Variants in PLXNA4 observed in about 807,000 individuals in gnomAD.
PLXNA4 encodes plexin A4, also known as plexin-A4.
PLXNA4 carries 44 observed loss-of-function variants against 191.8 expected under a neutral mutation model. The observed-to-expected ratio is 0.23, with a 90% CI of 0.18 to 0.29. The LOEUF (loss-of-function observed/expected upper bound fraction) is 0.29. Among genes scored for constraint, PLXNA4 ranks in the 10% least tolerant of loss-of-function variants. PLXNA4 has a pLI of 1.00. For synonymous variants in PLXNA4, 1,082 were observed against 1,009.5 expected, an observed-to-expected ratio of 1.07 and a Z score of -1.36; for missense variants, 1,800 against 2,488.8, an observed-to-expected ratio of 0.72 and a Z score of 5.89.
intron 4 of PLXNA4, among the ~76,000 whole-genome samples, chr7:132,293,696 AC>A (rs909580856): frequency 9.8e-5 from 15 of 152,326 alleles, no homozygotes; most frequent in African/African-American, 3.4e-4. Flanking sequence ...ATTTTCTACC[AC>A]CAGTTTTTTT....
At chr7:132,297,509 C>T (rs1053205608) in intron 4 of PLXNA4, among the ~76,000 whole-genome samples, 9 of 152,144 alleles carry the variant, frequency 5.9e-5, no homozygotes, top group African/African-American at 1.9e-4. Flanking sequence ...TCCTACTCAG[C>T]ATCAGCAAAC....
intron 3 of PLXNA4, among the ~76,000 whole-genome samples, chr7:132,397,073 G>A (rs187160948): frequency 6.4e-4 from 97 of 152,326 alleles, no homozygotes; most frequent in African/African-American, 2.1e-3. Context: ...TCTCTGCAGG[G>A]ATACCCAGCC....
At chr7:132,578,843 C>T (rs1023503129), upstream of PLXNA4, among the ~76,000 whole-genome samples, 1 of 152,170 alleles carries the variant, frequency 6.6e-6, no homozygotes, top group African/African-American at 2.4e-5. Flanking sequence ...TACATGAATA[C>T]ATTGATCTGA....
At chr7:132,491,978 G>T (rs1222750530) in intron 2 of PLXNA4, among the ~76,000 whole-genome samples, 2 of 152,180 alleles carry the variant, frequency 1.3e-5, no homozygotes, top group African/African-American at 4.8e-5. Flanking sequence ...GGGCAGCCTG[G>T]GGTGCTAGGG....
chr7:132,596,865 GA>G (rs3067229), intron 2 of PLXNA4, among the ~76,000 whole-genome samples: 2 of 144,678 alleles, frequency 1.4e-5, no homozygotes, highest in African/African-American at 5.1e-5. Context: ...CCATGGTCCT[GA>G]AAAAAAAAAA....
intron 22 of PLXNA4, 38 bp downstream of exon 22, chr7:132,168,266 G>A (rs1252787382): frequency 1.3e-6 from 2 of 1,489,774 alleles, no homozygotes; most frequent in Non-Finnish European, 9.0e-7. Context: ...CAGGTGCATG[G>A]CTAGGCTGGA....
chr7:132,632,695 A>T (rs1260353356), intron 2 of PLXNA4, among the ~76,000 whole-genome samples: 1 of 152,186 alleles, frequency 6.6e-6, no homozygotes, highest in Non-Finnish European at 1.5e-5. Context: ...AATAAATCCC[A>T]TTATCACTAT....
chr7:132,174,585 T>C (rs1296993403), intron 21 of PLXNA4, among the ~76,000 whole-genome samples, 193 bp downstream of exon 21: 2 of 152,208 alleles, frequency 1.3e-5, no homozygotes, highest in African/African-American at 4.8e-5. Flanking sequence ...TACTCACATC[T>C]CTGCTCCAAG....
intron 3 of PLXNA4, among the ~76,000 whole-genome samples, chr7:132,324,659 G>A (rs1224139338): frequency 6.6e-6 from 1 of 152,108 alleles, no homozygotes; most frequent in Non-Finnish European, 1.5e-5. Flanking sequence ...AATGAGGGTC[G>A]GCTATTAAAA....
At chr7:132,364,718 G>A (rs1298224416) in intron 3 of PLXNA4, among the ~76,000 whole-genome samples, 2 of 152,194 alleles carry the variant, frequency 1.3e-5, no homozygotes, top group South Asian at 2.1e-4. Flanking sequence ...GGAGAATGAC[G>A]GTTCCTTTTT....
intron 14 of PLXNA4, among the ~76,000 whole-genome samples, chr7:132,188,998 G>GGAGAGGAAAGGAAA (rs1562908835): frequency 9.8e-5 from 5 of 50,998 alleles, no homozygotes; most frequent in South Asian, 1.5e-3. Flanking sequence ...GGAAAGGAGA[G>GGAGAGGAAAGGAAA]AGAGAGAGAG....
intron 3 of PLXNA4, among the ~76,000 whole-genome samples, chr7:132,394,994 G>C (rs1451161428): frequency 2.0e-5 from 3 of 152,256 alleles, no homozygotes; most frequent in African/African-American, 7.2e-5. Flanking sequence ...ATGTAGTCCT[G>C]CCTTTCCGGG....
At chr7:132,369,659 A>G (rs1337751196) in intron 3 of PLXNA4, among the ~76,000 whole-genome samples, 1 of 152,046 alleles carries the variant, frequency 6.6e-6, no homozygotes, top group African/African-American at 2.4e-5. Flanking sequence ...CTGCCCTGAA[A>G]CCATCACTAT....
chr7:132,608,091 C>CAT (rs1802970199), intron 2 of PLXNA4, among the ~76,000 whole-genome samples: 3 of 151,252 alleles, frequency 2.0e-5, no homozygotes, highest in Non-Finnish European at 4.4e-5. Context: ...CCACCATCAT[C>CAT]CTCATCACTA....
intron 2 of PLXNA4, among the ~76,000 whole-genome samples, chr7:132,608,982 C>T (rs1173379142): frequency 1.3e-5 from 2 of 152,176 alleles, no homozygotes; most frequent in East Asian, 3.9e-4. Context: ...CCCCTGAGGC[C>T]TTGCTCACAT....
At chr7:132,614,730 T>A (rs1395392233) in intron 2 of PLXNA4, among the ~76,000 whole-genome samples, 1 of 152,162 alleles carries the variant, frequency 6.6e-6, no homozygotes, top group Admixed American at 6.5e-5. Context: ...TCCAAGAAAT[T>A]TGGTACTAGT....
intron 1 of PLXNA4, among the ~76,000 whole-genome samples, chr7:132,510,021 C>T (rs993031289): frequency 6.6e-6 from 1 of 152,166 alleles, no homozygotes; most frequent in African/African-American, 2.4e-5. Flanking sequence ...CAAATAAATA[C>T]AAAACTCCCC....
chr7:132,331,702 C>G (rs1198162318), intron 3 of PLXNA4, among the ~76,000 whole-genome samples: 1 of 152,134 alleles, frequency 6.6e-6, no homozygotes, highest in Non-Finnish European at 1.5e-5. Context: ...GCTTTCCTTC[C>G]AGGCCACCTC....
intron 2 of PLXNA4, among the ~76,000 whole-genome samples, chr7:132,637,459 G>A (rs1169544753): frequency 2.0e-5 from 3 of 152,156 alleles, no homozygotes; most frequent in Non-Finnish European, 4.4e-5. Flanking sequence ...ACCCTGCACA[G>A]GTGGAAGGCC....
Sources: allele counts gnomAD v4.1 joint callset (sites outside exome capture counted in the v4.1 genomes callset), GRCh38; gene constraint gnomAD v4.1.1; transcripts MANE v1.5; gene names NCBI Gene and HGNC (gene_info 2026-07-23, HGNC 2026-07-21).